The following SDK1 variants were observed in gnomAD, a reference collection of about 807,000 sequenced individuals.
The protein encoded by SDK1 is protein sidekick-1.
Under a neutral mutation model 245.5 loss-of-function variants are expected in SDK1, and 157 were observed. That is an observed-to-expected ratio of 0.64 (90% confidence interval 0.56 to 0.73). The LOEUF is 0.73. Ranked by LOEUF, SDK1 falls within the 30% of genes least tolerant of loss-of-function variation. SDK1 has a pLI of 0.00. For missense variants in SDK1, 3,583 were observed against 3,002.3 expected (o/e 1.19, Z -4.52); for synonymous variants, 1,647 against 1,278.5 (o/e 1.29, Z -6.15).
Position 3,681,530 on chromosome 7 carries a change from A to G in SDK1, c.713+39425A>G, listed in dbSNP as rs73672137. 5.6e-3 allele frequency among the ~76,000 whole-genome samples: 848 copies of G among 152,292 alleles called. 5 individuals are homozygous for G. The highest frequency in any genetic ancestry group is 0.019 in the African/African-American group (807 of 41,560). On this transcript the variant is annotated intron_variant, in intron 4 of 44. Coordinates refer to ENST00000404826, the MANE Select transcript of SDK1 (RefSeq NM_152744.4). Reference sequence around the variant, plus strand: ...TTCAAATTTATTTTTCAAAATGCCAATTTTTCAAAATGATTTTCTTAACTG... The same window carrying G: ...TTCAAATTTATTTTTCAAAATGCCAGTTTTTCAAAATGATTTTCTTAACTG...
intron 5 of SDK1, among the ~76,000 whole-genome samples, chr7:3,869,394 G>A (rs1327910280): frequency 2.0e-5 from 3 of 152,072 alleles, no homozygotes; most frequent in Admixed American, 6.5e-5. Flanking sequence ...GGCCTCAGGT[G>A]ATCTGCCTGC....
chr7:4,154,694 A>G (rs908650785), intron 30 of SDK1, among the ~76,000 whole-genome samples: 8 of 152,162 alleles, frequency 5.3e-5, no homozygotes, highest in Non-Finnish European at 1.2e-4. Context: ...CGGTGCTGCT[A>G]TCTCCATGTC....
chr7:3,736,202 C>T (rs955802733), intron 4 of SDK1, among the ~76,000 whole-genome samples: 2 of 152,116 alleles, frequency 1.3e-5, no homozygotes, highest in Non-Finnish European at 2.9e-5. Context: ...TCATGTGGTA[C>T]ATTTTATCTA....
At chr7:3,587,499 C>T (rs1439692730) in intron 1 of SDK1, among the ~76,000 whole-genome samples, 3 of 152,114 alleles carry the variant, frequency 2.0e-5, no homozygotes, top group African/African-American at 7.2e-5. Flanking sequence ...GGCCTAAGAA[C>T]CAGGAGTGCC....
chr7:3,565,601 CTT>C (rs1160436397), intron 1 of SDK1, among the ~76,000 whole-genome samples: 1 of 152,202 alleles, frequency 6.6e-6, no homozygotes, highest in African/African-American at 2.4e-5. Context: ...ACAGTCATCT[CTT>C]GGTATCTGGA....
intron 4 of SDK1, among the ~76,000 whole-genome samples, chr7:3,798,486 G>C (rs1562451059): frequency 6.6e-6 from 1 of 151,992 alleles, no homozygotes; most frequent in Non-Finnish European, 1.5e-5. Flanking sequence ...CAAAGTGCTG[G>C]GATTACAGGT....
intron 5 of SDK1, among the ~76,000 whole-genome samples, chr7:3,847,251 C>G (rs1207470953): frequency 6.6e-6 from 1 of 152,130 alleles, no homozygotes; most frequent in Non-Finnish European, 1.5e-5. Flanking sequence ...GTACCATCGA[C>G]TTCATCAAGT....
chr7:4,134,587 G>A (rs905821597), intron 28 of SDK1, among the ~76,000 whole-genome samples: 7 of 152,196 alleles, frequency 4.6e-5, no homozygotes, highest in Non-Finnish European at 7.3e-5. Flanking sequence ...AACATTGACA[G>A]AGTCACAGGA....
intron 40 of SDK1, among the ~76,000 whole-genome samples, chr7:4,223,878 A>G (rs191544580): frequency 9.9e-5 from 15 of 152,276 alleles, no homozygotes; most frequent in Admixed American, 8.5e-4. Context: ...ATATTTCACA[A>G]TGCTGTTTAG....
chr7:3,934,073 A>G (rs185785434), intron 5 of SDK1, among the ~76,000 whole-genome samples: 44 of 152,332 alleles, frequency 2.9e-4, no homozygotes, highest in Admixed American at 1.7e-3. Flanking sequence ...TTGTAACTAG[A>G]CGGTGAATTT....
At chr7:4,255,375 G>C (rs1562485646) in intron 44 of SDK1, among the ~76,000 whole-genome samples, 1 of 152,210 alleles carries the variant, frequency 6.6e-6, no homozygotes, top group Non-Finnish European at 1.5e-5. Flanking sequence ...CATCAAAGTG[G>C]AGGTGAGGAC....
intron 5 of SDK1, among the ~76,000 whole-genome samples, chr7:3,860,406 A>C (rs1368382464): frequency 1.3e-5 from 2 of 152,228 alleles, no homozygotes; most frequent in Non-Finnish European, 2.9e-5. Flanking sequence ...CAGTAAATGC[A>C]TGAAAAGATG....
intron 1 of SDK1, among the ~76,000 whole-genome samples, chr7:3,586,811 G>GT (rs1341772018): frequency 1.3e-5 from 2 of 152,138 alleles, no homozygotes; most frequent in African/African-American, 4.8e-5. Context: ...ATGTCTTTAT[G>GT]TTTTGGGGGC....
At chr7:3,794,690 C>T (rs1464077155) in intron 4 of SDK1, among the ~76,000 whole-genome samples, 3 of 152,136 alleles carry the variant, frequency 2.0e-5, no homozygotes, top group Non-Finnish European at 4.4e-5. Context: ...TATAGTCCCT[C>T]GACCTTGGAC....
At chr7:3,557,950 C>G (rs1352707552) in intron 1 of SDK1, among the ~76,000 whole-genome samples, 1 of 152,134 alleles carries the variant, frequency 6.6e-6, no homozygotes, top group African/African-American at 2.4e-5. Context: ...TGTACATTGT[C>G]TTTAACAGCA....
chr7:3,420,415 C>T (rs911350386), intron 1 of SDK1, among the ~76,000 whole-genome samples: 1 of 152,160 alleles, frequency 6.6e-6, no homozygotes, highest in Admixed American at 6.5e-5. Context: ...ACCAATTTTT[C>T]TTTCAGAGCA....
intron 2 of SDK1, among the ~76,000 whole-genome samples, chr7:3,628,427 G>A (rs527946743): frequency 2.6e-5 from 4 of 152,140 alleles, no homozygotes; most frequent in Non-Finnish European, 4.4e-5. Flanking sequence ...CAGGACTTCA[G>A]TTTGTCCTAA....
intron 4 of SDK1, among the ~76,000 whole-genome samples, chr7:3,802,261 C>T (rs1053138540): frequency 5.3e-5 from 8 of 152,110 alleles, no homozygotes; most frequent in East Asian, 1.9e-4. Context: ...GCTGGTCTCA[C>T]GCCTGTAATC....
chr7:3,667,426 A>G (rs557615622), intron 4 of SDK1, among the ~76,000 whole-genome samples: 98 of 152,242 alleles, frequency 6.4e-4, no homozygotes, highest in Non-Finnish European at 1.2e-3. Context: ...AGGCTTTTCT[A>G]TTCAGAGGGA....
Sources: gnomAD v4.1 joint callset for allele counts (sites outside exome capture counted in the v4.1 genomes callset) on GRCh38, gnomAD v4.1.1 for gene constraint, MANE v1.5 for transcripts, NCBI Gene and HGNC (gene_info 2026-07-23, HGNC 2026-07-21) for gene names.